The following PDE4B variants were observed in gnomAD, a reference collection of about 807,000 sequenced individuals.
The protein encoded by PDE4B is 3',5'-cyclic-AMP phosphodiesterase 4B.
Under a neutral mutation model 82.2 loss-of-function variants are expected in PDE4B, and 20 were observed. The observed-to-expected ratio is 0.24, with a 90% confidence interval of 0.17 to 0.35. The LOEUF (loss-of-function observed/expected upper bound fraction) is 0.35. Among genes scored for constraint, PDE4B ranks in the 10% least tolerant of loss-of-function variants. PDE4B has a pLI of 1.00. For missense variants in PDE4B, 655 were observed against 907.2 expected (o/e 0.72, Z 3.57); for synonymous variants, 320 against 318.9 (o/e 1.00, Z -0.04).
chr1:65,972,729 C>T (rs1454502812), intron 3 of PDE4B, among the ~76,000 whole-genome samples: 2 of 152,142 alleles, frequency 1.3e-5, no homozygotes, highest in Admixed American at 6.6e-5. Context: ...TTCTGCATAA[C>T]TATTTCTGGA....
intron 1 of PDE4B, among the ~76,000 whole-genome samples, chr1:65,814,490 C>T (rs1055547787): frequency 6.6e-6 from 1 of 152,036 alleles, no homozygotes; most frequent in Admixed American, 6.6e-5. Flanking sequence ...AAGTTAAACT[C>T]ATTTAAAAGG....
intron 6 of PDE4B, among the ~76,000 whole-genome samples, chr1:66,260,605 G>A (rs1654607213): frequency 6.6e-6 from 1 of 152,196 alleles, no homozygotes; most frequent in African/African-American, 2.4e-5. Flanking sequence ...TAGGGAGAAG[G>A]CGGGGTGGGT....
chr1:66,211,865 T>A (rs934946879), intron 3 of PDE4B, among the ~76,000 whole-genome samples: 2 of 152,204 alleles, frequency 1.3e-5, no homozygotes, highest in Non-Finnish European at 2.9e-5. Flanking sequence ...TCAGCCTGCA[T>A]CCCAGCTGGC....
At chr1:65,891,883 A>T (rs1289703014) in intron 1 of PDE4B, among the ~76,000 whole-genome samples, 1 of 152,070 alleles carries the variant, frequency 6.6e-6, no homozygotes, top group African/African-American at 2.4e-5. Flanking sequence ...TCAAATAATT[A>T]TTCTAGAAGT....
intron 3 of PDE4B, among the ~76,000 whole-genome samples, chr1:66,132,230 T>C (rs1358130668): frequency 1.3e-5 from 2 of 152,212 alleles, no homozygotes; most frequent in South Asian, 2.1e-4. Flanking sequence ...GCATTACTTA[T>C]TGAACTGAAG....
chr1:66,372,882 G>A lies in PDE4B; in HGVS notation c.*204G>A, dbSNP rs2050834790. 1 of 558,108 alleles carries A rather than the reference G, an allele frequency of 1.8e-6. No individual in the cohort carries two copies. Among genetic ancestry groups the A allele is most frequent in the Admixed American group, 3.1e-5 (1 of 32,364 alleles). The allele number at this position is 558,108 out of a possible 1,614,324, so 34.6% of individuals were successfully genotyped here. A position where few individuals can be genotyped will look rare whatever the true frequency, so the allele number is the denominator to read the frequency against. On this transcript the variant is annotated 3_prime_UTR_variant, in exon 17 of 17. Transcript: ENST00000341517. Reference sequence around the variant, plus strand: ...CACGGTTGACTTGCCTTGATGGCAAGCTTGGTGGAGAGGGCTGAAGCTGTT... The same window carrying A: ...CACGGTTGACTTGCCTTGATGGCAAACTTGGTGGAGAGGGCTGAAGCTGTT...
At chr1:66,142,990 G>A (rs1005426935) in intron 3 of PDE4B, among the ~76,000 whole-genome samples, 7 of 152,168 alleles carry the variant, frequency 4.6e-5, no homozygotes, top group Non-Finnish European at 7.3e-5. Context: ...TCTGTGCTTC[G>A]CATCTGTGTT....
intron 3 of PDE4B, among the ~76,000 whole-genome samples, chr1:66,200,530 G>T (rs1648804776): frequency 6.6e-6 from 1 of 152,088 alleles, no homozygotes; most frequent in Non-Finnish European, 1.5e-5. Flanking sequence ...ATTGAGCAGT[G>T]GTCTGTAGTT....
chr1:65,858,734 A>G (rs1407383786), intron 1 of PDE4B, among the ~76,000 whole-genome samples: 1 of 152,140 alleles, frequency 6.6e-6, no homozygotes, highest in Non-Finnish European at 1.5e-5. Flanking sequence ...AGTAAATCAC[A>G]TATTGAGACT....
At chr1:66,129,829 G>T (rs1334572200) in intron 3 of PDE4B, among the ~76,000 whole-genome samples, 1 of 152,120 alleles carries the variant, frequency 6.6e-6, no homozygotes, top group Non-Finnish European at 1.5e-5. Context: ...TCCATAAAAA[G>T]CACTGTGATG....
intron 3 of PDE4B, among the ~76,000 whole-genome samples, chr1:66,079,336 A>G (rs1656605379): frequency 6.6e-6 from 1 of 152,072 alleles, no homozygotes; most frequent in Admixed American, 6.6e-5. Context: ...TCACAGTTAC[A>G]CTGGTGCCCT....
At chr1:65,795,825 GA>G (rs1326395386) in intron 1 of PDE4B, among the ~76,000 whole-genome samples, 2 of 152,194 alleles carry the variant, frequency 1.3e-5, no homozygotes. Context: ...CGGTTCCCAA[GA>G]AAATAGGGCT....
At chr1:65,935,018 A>G (rs914121723) in intron 3 of PDE4B, among the ~76,000 whole-genome samples, 1 of 152,208 alleles carries the variant, frequency 6.6e-6, no homozygotes, top group Non-Finnish European at 1.5e-5. Context: ...TGAGCCTAAC[A>G]TACATATATA....
chr1:66,268,667 C>CAAAAAAAAAAAAAAAAAAAA (rs36046564), intron 7 of PDE4B, among the ~76,000 whole-genome samples: 9 of 61,234 alleles, frequency 1.5e-4, no homozygotes, highest in African/African-American at 2.9e-4. Flanking sequence ...GACTCCATCT[C>CAAAAAAAAAAAAAAAAAAAA]AAAAAAAAAA....
chr1:66,169,456 A>T (rs1049309426), intron 3 of PDE4B, among the ~76,000 whole-genome samples: 1 of 152,166 alleles, frequency 6.6e-6, no homozygotes, highest in African/African-American at 2.4e-5. Flanking sequence ...TTTGCTCTCT[A>T]ATCTTCTGTG....
chr1:66,269,749 A>G (rs1655327959), intron 7 of PDE4B, among the ~76,000 whole-genome samples: 1 of 152,202 alleles, frequency 6.6e-6, no homozygotes, highest in South Asian at 2.1e-4. Flanking sequence ...GACAGTAAGA[A>G]TTTACTGAAA....
chr1:66,103,733 C>T (rs1645275041), intron 3 of PDE4B, among the ~76,000 whole-genome samples: 2 of 152,046 alleles, frequency 1.3e-5, no homozygotes, highest in Admixed American at 6.6e-5. Flanking sequence ...AGATTTCCCC[C>T]TGTGCAATCT....
chr1:66,070,663 G>GAAGCAGGAAAGGAAAGAGAAAA (rs1553141127), intron 3 of PDE4B, among the ~76,000 whole-genome samples: 5 of 151,952 alleles, frequency 3.3e-5, no homozygotes. Context: ...AAGATATTAG[G>GAAGCAGGAAAGGAAAGAGAAAA]AAGCAGGAAA....
chr1:66,159,163 A>T (rs1324857560), intron 3 of PDE4B, among the ~76,000 whole-genome samples: 6 of 152,220 alleles, frequency 3.9e-5, no homozygotes, highest in African/African-American at 1.4e-4. Context: ...TGATCATTAC[A>T]TAATGTGTAC....
Sources: allele counts gnomAD v4.1 joint callset (sites outside exome capture counted in the v4.1 genomes callset), GRCh38; gene constraint gnomAD v4.1.1; transcripts MANE v1.5; gene names NCBI Gene and HGNC (gene_info 2026-07-23, HGNC 2026-07-21).